TOP2B: variants seen among roughly 807,000 people sequenced by gnomAD.
TOP2B encodes DNA topoisomerase 2-beta.
TOP2B carries 51 observed loss-of-function variants against 193.5 expected under a neutral mutation model. The observed-to-expected ratio is 0.26, with a 90% CI of 0.21 to 0.33. The LOEUF (loss-of-function observed/expected upper bound fraction) is 0.33, where lower values mean the gene tolerates loss of function less well. Among genes scored for constraint, TOP2B ranks in the 10% least tolerant of loss-of-function variants. TOP2B has a pLI of 1.00. For synonymous variants in TOP2B, 634 were observed against 635.7 expected (o/e 1.00, Z 0.04); for missense variants, 1,378 against 1,909.3 (o/e 0.72, Z 5.19).
At chr3:25,644,099 T>C (rs1575582844) in intron 2 of TOP2B, among the ~76,000 whole-genome samples, 1 of 150,214 alleles carries the variant, frequency 6.7e-6, no homozygotes, top group East Asian at 1.9e-4. Flanking sequence ...GGAAAATTAA[T>C]GCTTTTTTTT....
At chr3:25,608,322 TA>T (rs1266741311) in intron 30 of TOP2B, among the ~76,000 whole-genome samples, 1 of 152,244 alleles carries the variant, frequency 6.6e-6, no homozygotes, top group African/African-American at 2.4e-5. Context: ...TATTATGGAA[TA>T]AAATTTTTAA....
rs571313503 is a variant in TOP2B, at chr3:25,644,609, G to C, written c.240+691C>G. Among the ~76,000 whole-genome samples the C allele has an allele frequency of 2.6e-3, 378 of 147,134 alleles. 2 individuals are homozygous for C. Among genetic ancestry groups the C allele is most frequent in the African/African-American group, 8.9e-3 (359 of 40,214 alleles). On this transcript the variant is annotated intron_variant, in intron 2 of 35. Transcript: ENST00000264331. ...CCAGCTACTTGGAAGGCTGAGGCAG[G>C]AGAATCGTTTGAACCCAGGAGGCAG...
At chr3:25,631,815 T>TA (rs1702967350) in intron 10 of TOP2B, among the ~76,000 whole-genome samples, 1 of 152,104 alleles carries the variant, frequency 6.6e-6, no homozygotes, top group South Asian at 2.1e-4. Flanking sequence ...GGCCTTAAGT[T>TA]AGAACCTAAA....
At chr3:25,619,775 T>A (rs906698509) in intron 23 of TOP2B, 87 bp downstream of exon 23, 3 of 864,144 alleles carry the variant, frequency 3.5e-6, no homozygotes, top group Non-Finnish European at 5.3e-6. Flanking sequence ...AGGCTTACTA[T>A]AGCCACTCCC....
chr3:25,632,905 G>GA, intron 8 of TOP2B, 111 bp from the exon 9 acceptor site: 2 of 862,298 alleles, frequency 2.3e-6, no homozygotes, highest in Non-Finnish European at 1.8e-6. Flanking sequence ...GTCTCAGAAC[G>GA]AGAGTTGAGA....
intron 18 of TOP2B, 68 bp downstream of exon 18, chr3:25,626,492 G>C (rs1702805820): frequency 2.3e-6 from 2 of 876,042 alleles, no homozygotes; most frequent in Non-Finnish European, 3.4e-6. Context: ...CATAAGGATG[G>C]CTTAAAGTAC....
In TOP2B at chr3:25,620,025, C is replaced by T; in HGVS notation, c.2900G>A (p.Gly967Glu). 2 of 1,571,230 alleles carry T rather than the reference C, an allele frequency of 1.3e-6. No homozygotes were observed. Among genetic ancestry groups the T allele is most frequent in the Non-Finnish European group, 1.7e-6 (2 of 1,152,672 alleles). ...KEQVLEPMLN[G>E]TDKTPALISD... ...AATTAATGCTGGTGTTTTATCTGTT[C>T]CATTTAGCATAGGTTCTAAAACCTG... Residue 967 changes from glycine to glutamate, a missense_variant, in exon 23 of 36, where the codon GGA becomes GAA. Gly to Glu is a moderately conservative substitution (Grantham distance 98). Transcript: ENST00000264331.
At chr3:25,631,949 A>G (rs1179148090) in intron 10 of TOP2B, among the ~76,000 whole-genome samples, 1 of 152,084 alleles carries the variant, frequency 6.6e-6, no homozygotes, top group Non-Finnish European at 1.5e-5. Context: ...TGATTGATTC[A>G]TCTCCATTAT....
chr3:25,602,952 G>A (rs889877868), intron 33 of TOP2B, among the ~76,000 whole-genome samples: 4 of 152,120 alleles, frequency 2.6e-5, no homozygotes, highest in African/African-American at 9.7e-5. Context: ...CGTAAGGGAG[G>A]CTAAAGGAAA....
chr3:25,632,809 A>G lies in TOP2B; in HGVS notation c.1027-15T>C. The G allele has an allele frequency of 1.3e-6, 2 of 1,596,972 alleles. No individual in the cohort carries two copies. Among genetic ancestry groups the G allele is most frequent in the Non-Finnish European group, 1.7e-6 (2 of 1,166,972 alleles). Reference sequence around the variant, plus strand: ...TGCCGTCCACCCTAAAGAAAAAAAAATATATGAAATCTGAAATCCTGTATT... The same window carrying G: ...TGCCGTCCACCCTAAAGAAAAAAAAGTATATGAAATCTGAAATCCTGTATT... On this transcript the variant is annotated splice_polypyrimidine_tract_variant and intron_variant, in intron 8 of 35. Transcript: ENST00000264331.
rs150078191 is a variant in TOP2B, at chr3:25,600,390, G to C, written c.4615+710C>G. Among the ~76,000 whole-genome samples the C allele has an allele frequency of 7.9e-5, 12 of 152,252 alleles. No individual in the cohort carries two copies. In the East Asian group the frequency reaches 1.9e-3, roughly 25 times the overall value. ...GAAATAGCATTTTTGAATTTATAAA[G>C]GCTTTCAATCCTGCATATCTTGAGT... On this transcript the variant is annotated intron_variant, in intron 34 of 35. Coordinates refer to ENST00000264331, the MANE Select transcript of TOP2B (RefSeq NM_001330700.2).
At chr3:25,620,899 C>T in intron 21 of TOP2B, 83 bp from the exon 22 acceptor site, 4 of 1,417,480 alleles carry the variant, frequency 2.8e-6, no homozygotes, top group Non-Finnish European at 3.8e-6. Flanking sequence ...GACAGATTAA[C>T]ACAACTGAAA....
chr3:25,659,210 T>C (rs748961056), intron 1 of TOP2B, among the ~76,000 whole-genome samples: 1 of 152,138 alleles, frequency 6.6e-6, no homozygotes, highest in Non-Finnish European at 1.5e-5. Flanking sequence ...ATTTCACCTA[T>C]ATGTAAATGG....
Position 25,664,351 on chromosome 3 carries a change from C to A in TOP2B, c.-54G>T. On this transcript the variant is annotated 5_prime_UTR_variant, in exon 1 of 36. Coordinates refer to ENST00000264331, the MANE Select transcript of TOP2B (RefSeq NM_001330700.2). ...AGGCCGCAGCCGCCGCTCCCGCCTC[C>A]CTGCGGGCCGCTGGGCCCCGCCGCT... 7.1e-7 allele frequency: 1 copy of A among 1,406,966 alleles called. No individual in the cohort carries two copies. Among genetic ancestry groups the A allele is most frequent in the Non-Finnish European group, 9.2e-7 (1 of 1,091,682 alleles). 87.2% of individuals were successfully genotyped at this position (1,406,966 alleles called of 1,614,324 possible).
At chr3:25,631,788 A>G (rs1702966097) in intron 10 of TOP2B, among the ~76,000 whole-genome samples, 1 of 152,074 alleles carries the variant, frequency 6.6e-6, no homozygotes, top group Admixed American at 6.6e-5. Flanking sequence ...ATTAGATCCA[A>G]AAGTACTATT....
At chr3:25,621,437 C>G (rs1035349741) in intron 21 of TOP2B, among the ~76,000 whole-genome samples, 1 of 152,142 alleles carries the variant, frequency 6.6e-6, no homozygotes, top group African/African-American at 2.4e-5. Flanking sequence ...TATCAGCTCA[C>G]TGCAGCCTCA....
chr3:25,623,922 C>A (rs1702728873), intron 20 of TOP2B, among the ~76,000 whole-genome samples, 176 bp from the exon 21 acceptor site: 2 of 152,170 alleles, frequency 1.3e-5, no homozygotes, highest in South Asian at 4.1e-4. Flanking sequence ...TATTCAAATG[C>A]ATCTTTCTCT....
chr3:25,656,829 T>A (rs1401533082), intron 1 of TOP2B, among the ~76,000 whole-genome samples: 1 of 152,210 alleles, frequency 6.6e-6, no homozygotes, highest in Non-Finnish European at 1.5e-5. Context: ...TTTCTAAATT[T>A]CTACAATGAA....
intron 27 of TOP2B, among the ~76,000 whole-genome samples, chr3:25,613,295 G>A (rs1004677457): frequency 2.6e-5 from 4 of 151,958 alleles, no homozygotes; most frequent in Admixed American, 6.6e-5. Flanking sequence ...AGCTTTGAAA[G>A]GCACAAGGAA....
Sources: allele counts gnomAD v4.1 joint callset (sites outside exome capture counted in the v4.1 genomes callset), GRCh38; gene constraint gnomAD v4.1.1; transcripts MANE v1.5; gene names NCBI Gene and HGNC (gene_info 2026-07-23, HGNC 2026-07-21).